Variants in TMEM132D observed in about 807,000 individuals in gnomAD.
TMEM132D encodes the protein transmembrane protein 132D, also known as mature OL transmembrane protein.
A neutral mutation model predicts 62.3 loss-of-function variants in TMEM132D; 21 were observed. The ratio of observed to expected loss-of-function variants is 0.34; its 90% CI spans 0.24 to 0.49. TMEM132D has a LOEUF of 0.49. TMEM132D is among the 20% of genes least tolerant of loss of function. TMEM132D has a pLI of 0.99. For missense variants in TMEM132D, 1,346 were observed against 1,402.8 expected, an observed-to-expected ratio of 0.96 and a Z score of 0.65; for synonymous variants, 621 against 575.6, an observed-to-expected ratio of 1.08 and a Z score of -1.13.
intron 4 of TMEM132D, 81 bp downstream of exon 4, chr12:129,337,553 C>T (rs1869331544): frequency 2.6e-6 from 4 of 1,548,332 alleles, no homozygotes; most frequent in Admixed American, 4.1e-5. Context: ...TTTTCCCCAC[C>T]CAGCCTGGGA....
chr12:129,665,983 T>C (rs1312773460), intron 2 of TMEM132D, among the ~76,000 whole-genome samples: 1 of 152,216 alleles, frequency 6.6e-6, no homozygotes, highest in East Asian at 1.9e-4. Context: ...ATAAATTGTA[T>C]TTTAATTTTC....
chr12:129,512,491 G>A (rs1374281830), intron 3 of TMEM132D, among the ~76,000 whole-genome samples: 2 of 152,154 alleles, frequency 1.3e-5, no homozygotes, highest in African/African-American at 4.8e-5. Flanking sequence ...GAACATTGGT[G>A]ACATCTTCTA....
chr12:129,133,309 C>T (rs372261995), intron 5 of TMEM132D, among the ~76,000 whole-genome samples: 1 of 152,214 alleles, frequency 6.6e-6, no homozygotes, highest in Non-Finnish European at 1.5e-5. Flanking sequence ...GAACTATACA[C>T]CTGGTGAACA....
intron 1 of TMEM132D, among the ~76,000 whole-genome samples, chr12:129,734,406 C>G (rs1413518057): frequency 6.6e-6 from 1 of 152,154 alleles, no homozygotes; most frequent in East Asian, 1.9e-4. Context: ...CAGTGAAGTA[C>G]TTTTTTTCTG....
intron 2 of TMEM132D, among the ~76,000 whole-genome samples, chr12:129,583,511 A>C (rs1877937025): frequency 6.6e-6 from 1 of 152,236 alleles, no homozygotes; most frequent in Admixed American, 6.5e-5. Flanking sequence ...CTGAATTTTA[A>C]AATGGTAGTT....
At chr12:129,465,317 AT>A (rs1395284218) in intron 3 of TMEM132D, among the ~76,000 whole-genome samples, 1 of 152,204 alleles carries the variant, frequency 6.6e-6, no homozygotes, top group African/African-American at 2.4e-5. Flanking sequence ...AGAGCTAGCT[AT>A]GACAAACCCA....
chr12:129,549,965 A>G (rs1391673247), intron 2 of TMEM132D, among the ~76,000 whole-genome samples: 1 of 152,200 alleles, frequency 6.6e-6, no homozygotes, highest in Non-Finnish European at 1.5e-5. Context: ...CTTGTTACTG[A>G]GGCCTAACCT....
At chr12:129,580,176 A>T (rs1404399934) in intron 2 of TMEM132D, among the ~76,000 whole-genome samples, 4 of 152,182 alleles carry the variant, frequency 2.6e-5, no homozygotes, top group African/African-American at 9.7e-5. Context: ...CCCAGGAAGC[A>T]CTTACTCCTC....
intron 2 of TMEM132D, among the ~76,000 whole-genome samples, chr12:129,593,422 C>T (rs966209067): frequency 6.6e-6 from 1 of 152,196 alleles, no homozygotes; most frequent in African/African-American, 2.4e-5. Context: ...AAACTGGTCA[C>T]ACATTGGCTG....
rs57315485 is a variant in TMEM132D, at chr12:129,144,686, C to CATCTATCTATCTATCTATCT, written c.1444-60004_1444-59985dup. ...TGACCTATCTATTGAGCTTATCTATCATCTATCTATCTATCTATCTAGCGA... is the reference window on the plus strand; with the variant it reads ...TGACCTATCTATTGAGCTTATCTATCATCTATCTATCTATCTATCTATCTATCTATCTATCTATCTAGCGA... On this transcript the variant is annotated intron_variant, in intron 5 of 8. Coordinates refer to ENST00000422113, the MANE Select transcript of TMEM132D (RefSeq NM_133448.3). Among the ~76,000 whole-genome samples, 885 of 151,426 alleles carry CATCTATCTATCTATCTATCT rather than the reference C, an allele frequency of 5.8e-3. 8 individuals are homozygous for CATCTATCTATCTATCTATCT. Among genetic ancestry groups the CATCTATCTATCTATCTATCT allele is most frequent in the Admixed American group, 0.015 (233 of 15,202 alleles).
intron 4 of TMEM132D, among the ~76,000 whole-genome samples, chr12:129,300,165 T>A (rs962909583): frequency 6.6e-6 from 1 of 152,228 alleles, no homozygotes. Flanking sequence ...AGATGGAGAA[T>A]ACTTGAGCCA....
At chr12:129,900,560 A>T (rs1431244750) in intron 1 of TMEM132D, among the ~76,000 whole-genome samples, 1 of 152,218 alleles carries the variant, frequency 6.6e-6, no homozygotes, top group Non-Finnish European at 1.5e-5. Flanking sequence ...ACTGGGAAGG[A>T]TGCACGTGAG....
chr12:129,122,920 C>T (rs73416533), intron 5 of TMEM132D, among the ~76,000 whole-genome samples: 6 of 152,172 alleles, frequency 3.9e-5, no homozygotes, highest in Admixed American at 6.5e-5. Flanking sequence ...CAGGAAAGTA[C>T]GGAGTATTTA....
chr12:129,721,860 C>T (rs867062920), intron 1 of TMEM132D, among the ~76,000 whole-genome samples: 22 of 152,346 alleles, frequency 1.4e-4, no homozygotes, highest in Middle Eastern at 3.4e-3. Context: ...CCACCCATCA[C>T]CAGCCAGTTG....
At chr12:129,544,844 A>T (rs1213568687) in intron 2 of TMEM132D, among the ~76,000 whole-genome samples, 1 of 152,226 alleles carries the variant, frequency 6.6e-6, no homozygotes, top group Admixed American at 6.5e-5. Context: ...GTGAGTGACA[A>T]CCCACATCGG....
chr12:129,890,462 AC>A (rs1288629069), intron 1 of TMEM132D, among the ~76,000 whole-genome samples: 1 of 152,014 alleles, frequency 6.6e-6, no homozygotes, highest in East Asian at 1.9e-4. Flanking sequence ...CTGGCACCCA[AC>A]CCTGGCTCCC....
intron 2 of TMEM132D, among the ~76,000 whole-genome samples, chr12:129,666,686 T>C (rs1420054300): frequency 6.6e-6 from 1 of 152,196 alleles, no homozygotes; most frequent in Non-Finnish European, 1.5e-5. Flanking sequence ...TATCTTCATT[T>C]CTATCTGATG....
rs148215242 is a variant in TMEM132D, at chr12:129,779,579, G to A, written c.80-78881C>T. On this transcript the variant is annotated intron_variant, in intron 1 of 8. Transcript: ENST00000422113. This position sits in a 1 kb window ranked among gnomAD's most constrained non-coding sequence, Gnocchi z 4.1. ...ATTACAGGTGTGAGCCACCACACCCGGCCCAGGTTTTTGTTATTGTTTTGG... is the reference window on the plus strand; with the variant it reads ...ATTACAGGTGTGAGCCACCACACCCAGCCCAGGTTTTTGTTATTGTTTTGG... Among the ~76,000 whole-genome samples the A allele has an allele frequency of 8.9e-3, 1,348 of 152,186 alleles. 20 individuals are homozygous for A. The highest frequency in any genetic ancestry group is 0.031 in the African/African-American group (1,282 of 41,530).
chr12:129,246,497 T>A (rs1320857968), intron 4 of TMEM132D, among the ~76,000 whole-genome samples: 1 of 152,184 alleles, frequency 6.6e-6, no homozygotes, highest in African/African-American at 2.4e-5. Context: ...GGCTCACACC[T>A]GTAATCCCAA....
Sources: allele counts gnomAD v4.1 joint callset (sites outside exome capture counted in the v4.1 genomes callset), GRCh38; gene constraint gnomAD v4.1.1; non-coding constraint Gnocchi (gnomAD v3.1); transcripts MANE v1.5; gene names NCBI Gene and HGNC (gene_info 2026-07-23, HGNC 2026-07-21).